Variants in GRM7 observed in about 807,000 individuals in gnomAD.
The protein encoded by GRM7 is metabotropic glutamate receptor 7.
In GRM7, 35 loss-of-function variants were observed where a neutral mutation model predicts 84.5. The ratio of observed to expected loss-of-function variants is 0.41; its 90% confidence interval spans 0.32 to 0.55. GRM7 has a LOEUF of 0.55. GRM7 is among the 20% of genes least tolerant of loss of function. The pLI, the probability that GRM7 is intolerant of heterozygous loss-of-function variation, is 0.19. For synonymous variants in GRM7, 487 were observed against 455.1 expected (o/e 1.07, Z -0.89); for missense variants, 1,003 against 1,194.6 (o/e 0.84, Z 2.36).
chr3:7,106,115 G>A (rs989499705), intron 1 of GRM7, among the ~76,000 whole-genome samples: 1 of 151,700 alleles, frequency 6.6e-6, no homozygotes, highest in Non-Finnish European at 1.5e-5. Flanking sequence ...CTTAACTAAT[G>A]TTTACAAAGT....
chr3:6,926,003 G>A (rs943786198), intron 1 of GRM7, among the ~76,000 whole-genome samples: 2 of 151,996 alleles, frequency 1.3e-5, no homozygotes, highest in Non-Finnish European at 2.9e-5. Context: ...CCCCCAAATT[G>A]TGCTCAGACT....
chr3:7,242,230 T>G (rs1697586090), intron 2 of GRM7, among the ~76,000 whole-genome samples: 1 of 152,194 alleles, frequency 6.6e-6, no homozygotes, highest in African/African-American at 2.4e-5. Flanking sequence ...TAGTACATGC[T>G]GTTTACTTCC....
intron 1 of GRM7, among the ~76,000 whole-genome samples, chr3:6,917,794 T>G (rs1696993799): frequency 6.6e-6 from 1 of 152,170 alleles, no homozygotes; most frequent in Non-Finnish European, 1.5e-5. Flanking sequence ...AATGTCACAT[T>G]GGAAACTAGG....
intron 1 of GRM7, among the ~76,000 whole-genome samples, chr3:6,941,604 C>T (rs1276397580): frequency 6.6e-6 from 1 of 152,136 alleles, no homozygotes; most frequent in African/African-American, 2.4e-5. Flanking sequence ...TTAGACAAAG[C>T]CACATTTAAA....
At chr3:7,069,618 A>G (rs1034514265) in intron 1 of GRM7, among the ~76,000 whole-genome samples, 1 of 152,092 alleles carries the variant, frequency 6.6e-6, no homozygotes, top group African/African-American at 2.4e-5. Context: ...TGATTTTTAG[A>G]GAAAGTGTTC....
intron 8 of GRM7, among the ~76,000 whole-genome samples, chr3:7,660,794 TGAGTA>T (rs145528937): frequency 0.42 from 64,076 of 151,668 alleles, 14,783 homozygotes; most frequent in Non-Finnish European, 0.53. Context: ...TCATTAGAAC[TGAGTA>T]GAGTCCAGAA....
chr3:6,930,632 GA>G (rs144298140), intron 1 of GRM7, among the ~76,000 whole-genome samples: 72 of 151,922 alleles, frequency 4.7e-4, no homozygotes, highest in African/African-American at 1.7e-3. Flanking sequence ...TGCAGGTGGG[GA>G]AAAAAACAAA....
At chr3:7,680,514 T>G (rs1326022315) in intron 9 of GRM7, 1 of 545,362 alleles carries the variant, frequency 1.8e-6, no homozygotes, top group Non-Finnish European at 3.3e-6. Context: ...GAGGCTCTGC[T>G]TCAGAAGTGT....
At position 7,329,229 on chromosome 3, in the gene GRM7, C is replaced by T. The variant is rs75313839; in HGVS notation, c.1033+22577C>T. 3.6e-3 allele frequency among the ~76,000 whole-genome samples: 554 copies of T among 152,252 alleles called. 3 individuals are homozygous for T. The highest frequency in any genetic ancestry group is 0.013 in the African/African-American group (531 of 41,544). On this transcript the variant is annotated intron_variant, in intron 4 of 9. Transcript: ENST00000357716. ...AACCTTGTTACTTCACTACTGCTTC[C>T]AGGAGGAGAGAAACAGGTTCCCAAG...
chr3:7,497,248 T>A (rs976125), intron 7 of GRM7, among the ~76,000 whole-genome samples: 1 of 151,778 alleles, frequency 6.6e-6, no homozygotes, highest in Admixed American at 6.6e-5. Flanking sequence ...ATTTATGTCA[T>A]CTCAATAAAT....
At position 7,022,657 on chromosome 3, in the gene GRM7, T is replaced by G. The variant is rs142163819; in HGVS notation, c.520-123795T>G. ...GTTGTAAATGCATTGTAAATGCAAT[T>G]GTAAAATGTAATTTTTAACTTTTTT... On this transcript the variant is annotated intron_variant, in intron 1 of 9. Coordinates refer to ENST00000357716, the MANE Select transcript of GRM7 (RefSeq NM_000844.4). Among the ~76,000 whole-genome samples the G allele has an allele frequency of 5.9e-5, 9 of 152,328 alleles. No homozygotes were observed. In the East Asian group the frequency reaches 1.7e-3, roughly 29 times the overall value.
intron 5 of GRM7, among the ~76,000 whole-genome samples, chr3:7,445,945 C>T (rs1451830746): frequency 6.6e-6 from 1 of 152,154 alleles, no homozygotes; most frequent in Non-Finnish European, 1.5e-5. Flanking sequence ...GTCCCTGTGT[C>T]CCCTTCACCC....
chr3:7,732,377 T>C (rs1702361918), intron 9 of GRM7, among the ~76,000 whole-genome samples: 1 of 152,178 alleles, frequency 6.6e-6, no homozygotes, highest in African/African-American at 2.4e-5. Context: ...CATGAGAAAT[T>C]AGTGCTTCAC....
intron 2 of GRM7, among the ~76,000 whole-genome samples, chr3:7,184,021 A>C (rs1695431964): frequency 6.6e-6 from 1 of 152,144 alleles, no homozygotes; most frequent in East Asian, 1.9e-4. Context: ...GGAAGATGCC[A>C]CTTAAAAAAG....
At chr3:7,280,936 T>A (rs1699232320) in intron 2 of GRM7, among the ~76,000 whole-genome samples, 1 of 152,038 alleles carries the variant, frequency 6.6e-6, no homozygotes, top group Non-Finnish European at 1.5e-5. Flanking sequence ...TCAGGAGAAA[T>A]GCATGTGTTT....
chr3:7,527,843 G>A (rs1700867907), intron 7 of GRM7, among the ~76,000 whole-genome samples: 1 of 151,978 alleles, frequency 6.6e-6, no homozygotes, highest in Admixed American at 6.6e-5. Context: ...ACTTGTGTAT[G>A]TTGAAGTAAA....
chr3:7,172,909 A>G (rs1329531180), intron 2 of GRM7, among the ~76,000 whole-genome samples: 7 of 152,130 alleles, frequency 4.6e-5, no homozygotes, highest in African/African-American at 1.7e-4. Flanking sequence ...GGATACACAT[A>G]TACATATCTA....
intron 8 of GRM7, among the ~76,000 whole-genome samples, chr3:7,625,505 T>C: frequency 6.6e-6 from 1 of 151,724 alleles, no homozygotes; most frequent in East Asian, 1.9e-4. Context: ...AACTCATGAG[T>C]CAAAAAACAG....
intron 7 of GRM7, among the ~76,000 whole-genome samples, chr3:7,510,874 C>T (rs936173941): frequency 6.6e-6 from 1 of 152,072 alleles, no homozygotes; most frequent in African/African-American, 2.4e-5. Context: ...TGTGTTTGCG[C>T]GGCAGTGGCA....
Sources: gnomAD v4.1 joint callset for allele counts (sites outside exome capture counted in the v4.1 genomes callset) on GRCh38, gnomAD v4.1.1 for gene constraint, MANE v1.5 for transcripts, NCBI Gene and HGNC (gene_info 2026-07-23, HGNC 2026-07-21) for gene names.